The following MTARC1 variants were observed in gnomAD, a reference collection of about 807,000 sequenced individuals.
The protein encoded by MTARC1 is mitochondrial amidoxime reducing component 1.
Under a neutral mutation model 33.6 loss-of-function variants are expected in MTARC1, and 24 were observed. That is an observed-to-expected ratio of 0.72 (90% CI 0.52 to 1.01). The LOEUF (loss-of-function observed/expected upper bound fraction) is 1.01, where lower values mean the gene tolerates loss of function less well. Among genes scored for constraint, MTARC1 ranks in the 50% least tolerant of loss-of-function variants. The probability of loss-of-function intolerance (pLI) is 0.00; values close to 1 mark genes in which losing one functional copy is unlikely to be tolerated. For synonymous variants in MTARC1, 187 were observed against 189.5 expected (o/e 0.99, Z 0.11); for missense variants, 417 against 445.7 (o/e 0.94, Z 0.58).
At chr1:220,791,344 G>A in intron 1 of MTARC1, 147 bp from the exon 2 acceptor site, 1 of 802,760 alleles carries the variant, frequency 1.2e-6, no homozygotes, top group Non-Finnish European at 1.9e-6. Flanking sequence ...TGATGTTTAG[G>A]ACAGACAGAC....
intron 6 of MTARC1, chr1:220,808,978 CAA>C (rs34579579): frequency 4.0e-5 from 15 of 370,560 alleles, no homozygotes; most frequent in Admixed American, 7.1e-5. Flanking sequence ...CATGGGTACT[CAA>C]AAAAAAAAAC....
intron 6 of MTARC1, among the ~76,000 whole-genome samples, chr1:220,805,691 T>C (rs1205060616): frequency 6.6e-6 from 1 of 152,222 alleles, no homozygotes; most frequent in African/African-American, 2.4e-5. Flanking sequence ...ATCTGGAACT[T>C]GCCATATATT....
chr1:220,798,807 C>G, intron 4 of MTARC1: 1 of 964,842 alleles, frequency 1.0e-6, no homozygotes, highest in Middle Eastern at 5.3e-4. Flanking sequence ...GTGGTTCTTA[C>G]GTCTGCCCAT....
Position 220,813,412 on chromosome 1 carries a change from C to A in MTARC1, c.1008C>A (p.Gly336=), listed in dbSNP as rs1488415643. Residue 336 remains glycine (G), a synonymous_variant, in exon 7 of 7, where the codon GGC becomes GGA. Coordinates refer to ENST00000366910, the MANE Select transcript of MTARC1 (RefSeq NM_022746.4). ...IKVGDPVYLL[G]Q is the part of the protein sequence containing the mutation. ...TGGGAGACCCTGTGTACCTGCTGGG[C>A]CAGTAATGGGAACCGTATGTCCTGG... 3 of 1,613,976 alleles carry A rather than the reference C, an allele frequency of 1.9e-6. No individual in the cohort carries two copies. Among genetic ancestry groups the A allele is most frequent in the Non-Finnish European group, 2.5e-6 (3 of 1,180,010 alleles).
In MTARC1 at chr1:220,816,443, A is replaced by G. The variant is rs1246637345; in HGVS notation, c.*3025A>G. ...TGCATTTCCCGTGTTTTATTGGTCC[A>G]TGGAATTCTGAAAGTTTGCCTTTCG... On this transcript the variant is annotated 3_prime_UTR_variant, in exon 7 of 7. Transcript: ENST00000366910. 6.6e-6 allele frequency: 1 copy of G among 152,236 alleles called. No homozygotes were observed. The highest frequency in any genetic ancestry group is 2.4e-5 in the African/African-American group (1 of 41,464). 9.4% of individuals were successfully genotyped at this position (152,236 alleles called of 1,614,324 possible).
rs753495959 is a variant in MTARC1 at position 220,791,503 on chromosome 1, G to A, written c.288G>A (p.Val96=). ...TTGAAAACGGCAGGTTTTGGCTTGT[G>A]ATCAACCAGGAGGGAAACATGGTTA... ...SGNLRDRFWL[V]INQEGNMVTA... Residue 96 remains valine, a synonymous_variant, in exon 2 of 7, where the codon GTG becomes GTA. Transcript: ENST00000366910. 3.7e-6 allele frequency: 6 copies of A among 1,613,988 alleles called. No homozygotes were observed. The highest frequency in any genetic ancestry group is 1.7e-4 in the Middle Eastern group (1 of 6,060).
intron 4 of MTARC1, among the ~76,000 whole-genome samples, chr1:220,800,419 A>AAAC: frequency 6.6e-6 from 1 of 151,396 alleles, no homozygotes; most frequent in East Asian, 2.0e-4. Context: ...AGATAGTGAA[A>AAAC]AGTCACAGCA....
chr1:220,807,852 G>A (rs889445779), intron 6 of MTARC1, among the ~76,000 whole-genome samples: 2 of 152,016 alleles, frequency 1.3e-5, no homozygotes, highest in African/African-American at 4.8e-5. Flanking sequence ...GGCCACAGAG[G>A]AGCTACTAGG....
intron 6 of MTARC1, among the ~76,000 whole-genome samples, chr1:220,811,272 A>G (rs1017762524): frequency 1.3e-5 from 2 of 152,234 alleles, no homozygotes; most frequent in African/African-American, 4.8e-5. Context: ...CAGAGAGAGG[A>G]AATACTCTTG....
Position 220,807,644 on chromosome 1 carries a change from C to T in MTARC1, c.887+2370C>T, listed in dbSNP as rs60969559. Among the ~76,000 whole-genome samples the T allele has an allele frequency of 1.5e-3, 229 of 152,274 alleles. 3 individuals are homozygous for T. Among genetic ancestry groups the T allele is most frequent in the African/African-American group, 5.1e-3 (212 of 41,564 alleles). The stretch of plus-strand genomic sequence containing the variant: ...ATAGTCAAGTGTTAAGCTCAGAATT[C>T]AAGCAGCGGGTAAATGGGTGTTTGC... On this transcript the variant is annotated intron_variant, in intron 6 of 6. Transcript: ENST00000366910.
At chr1:220,797,507 T>C (rs560548011) in intron 3 of MTARC1, among the ~76,000 whole-genome samples, 2 of 152,226 alleles carry the variant, frequency 1.3e-5, no homozygotes. Flanking sequence ...AAATAAGTAT[T>C]CATGGAATTA....
intron 4 of MTARC1, among the ~76,000 whole-genome samples, chr1:220,799,876 C>T (rs1384682676): frequency 6.6e-6 from 1 of 152,226 alleles, no homozygotes; most frequent in East Asian, 1.9e-4. Flanking sequence ...GTTTCAATGA[C>T]TCCCTCGCCT....
At chr1:220,792,954 G>A (rs1329174797) in intron 2 of MTARC1, among the ~76,000 whole-genome samples, 1 of 152,086 alleles carries the variant, frequency 6.6e-6, no homozygotes, top group African/African-American at 2.4e-5. Flanking sequence ...GTATTAAGAA[G>A]AATGTGATGA....
intron 6 of MTARC1, among the ~76,000 whole-genome samples, chr1:220,806,424 G>A (rs1489267596): frequency 6.6e-6 from 1 of 152,206 alleles, no homozygotes; most frequent in Non-Finnish European, 1.5e-5. Flanking sequence ...AAGGAATGCA[G>A]TTGAGATGTG....
rs748571194 is a variant in MTARC1, at chr1:220,817,470, C to A, written c.*4052C>A. ...TCCCTTATTTGTCCCTGCCCATGTC[C>A]TGCTGATTGCTCCATTTTACAGAGT... On this transcript the variant is annotated 3_prime_UTR_variant, in exon 7 of 7. Transcript: ENST00000366910. 1 of 152,244 alleles carries A rather than the reference C, an allele frequency of 6.6e-6. No homozygotes were observed. The highest frequency in any genetic ancestry group is 1.5e-5 in the Non-Finnish European group (1 of 68,108). The allele number at this position is 152,244 out of a possible 1,614,324, so 9.4% of individuals were successfully genotyped here.
At chr1:220,789,116 C>T (rs1354377807) in intron 1 of MTARC1, among the ~76,000 whole-genome samples, 1 of 151,990 alleles carries the variant, frequency 6.6e-6, no homozygotes, top group Non-Finnish European at 1.5e-5. Flanking sequence ...CGACACGTGC[C>T]AGGGTGCCAG....
intron 6 of MTARC1, chr1:220,809,120 C>T (rs1673053897): frequency 5.9e-6 from 2 of 338,198 alleles, no homozygotes; most frequent in Non-Finnish European, 1.2e-5. Flanking sequence ...GGCAGACTCT[C>T]CACCCTAGTC....
rs970571872 is a variant in MTARC1, at chr1:220,818,467, T to C, written c.*5049T>C. On this transcript the variant is annotated 3_prime_UTR_variant, in exon 7 of 7. Coordinates refer to ENST00000366910, the MANE Select transcript of MTARC1 (RefSeq NM_022746.4). ...AATTCACTCACATTTGGTTATTTGT[T>C]GGCCAGTCTAGTGCATTCACCCTTG... 6.6e-6 allele frequency: 1 copy of C among 152,274 alleles called. No individual in the cohort carries two copies. The highest frequency in any genetic ancestry group is 2.4e-5 in the African/African-American group (1 of 41,478). The allele number at this position is 152,274 out of a possible 1,614,324, so 9.4% of individuals were successfully genotyped here.
chr1:220,800,639 A>G (rs569699584), intron 4 of MTARC1, among the ~76,000 whole-genome samples: 2 of 149,534 alleles, frequency 1.3e-5, no homozygotes, highest in Admixed American at 1.3e-4. Context: ...TGCCCTGAGG[A>G]CCCCTAACTA....
Sources: allele counts gnomAD v4.1 joint callset (sites outside exome capture counted in the v4.1 genomes callset), GRCh38; gene constraint gnomAD v4.1.1; transcripts MANE v1.5; gene names NCBI Gene and HGNC (gene_info 2026-07-23, HGNC 2026-07-21).